PDIA5: variants seen among roughly 807,000 people sequenced by gnomAD.
PDIA5 encodes protein disulfide-isomerase A5.
In PDIA5, 58 loss-of-function variants were observed where a neutral mutation model predicts 77.6. The observed-to-expected ratio is 0.75, with a 90% CI of 0.61 to 0.93. The LOEUF (loss-of-function observed/expected upper bound fraction) is 0.93, where lower values mean the gene tolerates loss of function less well. Among genes scored for constraint, PDIA5 ranks in the 40% least tolerant of loss-of-function variants. The probability of loss-of-function intolerance (pLI) is 0.00; values close to 1 mark genes in which losing one functional copy is unlikely to be tolerated. For missense variants in PDIA5, 630 were observed against 647.7 expected (o/e 0.97, Z 0.30); for synonymous variants, 250 against 252.1 (o/e 0.99, Z 0.08).
At chr3:123,120,893 C>T (rs778547450) in intron 8 of PDIA5, among the ~76,000 whole-genome samples, 52 of 152,130 alleles carry the variant, frequency 3.4e-4, no homozygotes, top group Admixed American at 2.6e-4. Context: ...GTCCAGTGGG[C>T]TATGCTAGCT....
intron 3 of PDIA5, among the ~76,000 whole-genome samples, chr3:123,095,114 C>T (rs1404855267): frequency 2.0e-5 from 3 of 152,114 alleles, no homozygotes; most frequent in African/African-American, 4.8e-5. Flanking sequence ...CCTGTGACAC[C>T]GGGCAAGTCG....
At chr3:123,072,912 C>G (rs1301558206) in intron 1 of PDIA5, among the ~76,000 whole-genome samples, 7 of 146,824 alleles carry the variant, frequency 4.8e-5, no homozygotes, top group African/African-American at 1.3e-4. Context: ...ACCTCTCCTT[C>G]TGTGTGTGTG....
At chr3:123,106,269 G>A (rs1043773774) in intron 5 of PDIA5, among the ~76,000 whole-genome samples, 1 of 152,214 alleles carries the variant, frequency 6.6e-6, no homozygotes, top group Non-Finnish European at 1.5e-5. Context: ...GTCATAAGTA[G>A]GTATGATGAT....
chr3:123,159,166 A>G (rs1936091946), intron 15 of PDIA5, among the ~76,000 whole-genome samples: 2 of 152,242 alleles, frequency 1.3e-5, no homozygotes, highest in African/African-American at 4.8e-5. Context: ...GCCCAGAGCC[A>G]TGTTCATCCA....
intron 8 of PDIA5, among the ~76,000 whole-genome samples, chr3:123,121,274 T>G (rs1231164172): frequency 6.6e-6 from 1 of 152,158 alleles, no homozygotes; most frequent in Non-Finnish European, 1.5e-5. Context: ...CAGCCCACGC[T>G]AAGAAGCTGC....
chr3:123,102,337 C>A, intron 3 of PDIA5, 74 bp from the exon 4 acceptor site: 1 of 1,093,208 alleles, frequency 9.1e-7, no homozygotes, highest in Non-Finnish European at 1.4e-6. Flanking sequence ...TCTTAGGACA[C>A]CAGCAGATTT....
chr3:123,107,811 T>G (rs1934771850), intron 6 of PDIA5, among the ~76,000 whole-genome samples: 1 of 152,210 alleles, frequency 6.6e-6, no homozygotes, highest in Non-Finnish European at 1.5e-5. Flanking sequence ...ACTTTTTTTG[T>G]TTTTAGAGAC....
At chr3:123,158,875 G>A (rs1936083028) in intron 15 of PDIA5, among the ~76,000 whole-genome samples, 1 of 152,240 alleles carries the variant, frequency 6.6e-6, no homozygotes. Flanking sequence ...TTCAATAGCT[G>A]AGAAGAGCTT....
intron 7 of PDIA5, among the ~76,000 whole-genome samples, chr3:123,113,303 A>T (rs1475015084): frequency 6.6e-6 from 1 of 152,128 alleles, no homozygotes; most frequent in Non-Finnish European, 1.5e-5. Context: ...GTCATTTAGA[A>T]GTGTGCACGG....
intron 1 of PDIA5, among the ~76,000 whole-genome samples, chr3:123,085,086 C>T (rs532631851): frequency 1.3e-5 from 2 of 152,332 alleles, no homozygotes; most frequent in East Asian, 3.9e-4. Flanking sequence ...TGGCTTCCAT[C>T]GACCCTTCTG....
At chr3:123,155,987 T>A (rs1186645153) in intron 15 of PDIA5, among the ~76,000 whole-genome samples, 1 of 151,942 alleles carries the variant, frequency 6.6e-6, no homozygotes, top group Non-Finnish European at 1.5e-5. Context: ...CAGGTATTAG[T>A]GGAGCAGCCC....
At chr3:123,115,286 A>G (rs915959393) in intron 7 of PDIA5, among the ~76,000 whole-genome samples, 1 of 152,224 alleles carries the variant, frequency 6.6e-6, no homozygotes, top group African/African-American at 2.4e-5. Context: ...CTGTGGGATC[A>G]GTGCTGAAAT....
intron 1 of PDIA5, among the ~76,000 whole-genome samples, chr3:123,079,984 A>G (rs1033422538): frequency 1.4e-4 from 21 of 152,220 alleles, no homozygotes; most frequent in African/African-American, 4.6e-4. Context: ...TCAAGCTGCA[A>G]CAGTCTGAAA....
At chr3:123,076,305 A>G (rs1933857343) in intron 1 of PDIA5, among the ~76,000 whole-genome samples, 1 of 152,144 alleles carries the variant, frequency 6.6e-6, no homozygotes, top group African/African-American at 2.4e-5. Flanking sequence ...TCTGAGCCTC[A>G]GTTTTCACAT....
At position 123,146,226 on chromosome 3, in the gene PDIA5, G is replaced by A; in HGVS notation, c.1109G>A (p.Arg370Lys). 6.2e-7 allele frequency: 1 copy of A among 1,614,120 alleles called. No homozygotes were observed. The highest frequency in any genetic ancestry group is 1.1e-5 in the South Asian group (1 of 91,066). The change falls in exon 13 of 17, where the codon AGG becomes AAG. Residue 370 changes from arginine (R) to lysine (K), a missense_variant. By Grantham distance (26) the Arg-to-Lys change is conservative. Transcript: ENST00000316218. ...GAGAAATACGCAGTGCCTGTGCTCA[G>A]GACAAAGAAGAAGTTTCTCGAGTGG... ...NGEKYAVPVL[R>K]TKKKFLEWMQ...
chr3:123,086,355 A>G (rs1045720493), intron 1 of PDIA5, among the ~76,000 whole-genome samples: 4 of 152,238 alleles, frequency 2.6e-5, no homozygotes, highest in African/African-American at 9.6e-5. Flanking sequence ...GTTGAGTGAC[A>G]TTGGCTAGGC....
intron 1 of PDIA5, among the ~76,000 whole-genome samples, chr3:123,087,831 G>A (rs938794596): frequency 1.1e-4 from 16 of 152,184 alleles, no homozygotes; most frequent in African/African-American, 3.9e-4. Context: ...CCTCACAGTG[G>A]AGATTTGAGC....
chr3:123,129,686 G>A (rs1236276523), intron 10 of PDIA5, among the ~76,000 whole-genome samples: 1 of 152,146 alleles, frequency 6.6e-6, no homozygotes, highest in Non-Finnish European at 1.5e-5. Context: ...GGCAAGGGAG[G>A]GCCCCTGCGA....
chr3:123,090,226 G>A (rs1050435010), intron 2 of PDIA5, among the ~76,000 whole-genome samples: 1 of 152,200 alleles, frequency 6.6e-6, no homozygotes, highest in African/African-American at 2.4e-5. Context: ...TGCCCCGAGT[G>A]CATTGTTGGG....
Sources: allele counts gnomAD v4.1 joint callset (sites outside exome capture counted in the v4.1 genomes callset), GRCh38; gene constraint gnomAD v4.1.1; transcripts MANE v1.5; gene names NCBI Gene and HGNC (gene_info 2026-07-23, HGNC 2026-07-21).